The following HERPUD2 variants were observed in gnomAD, a reference collection of about 807,000 sequenced individuals.
HERPUD2 encodes the protein homocysteine-responsive endoplasmic reticulum-resident ubiquitin-like domain member 2 protein.
In HERPUD2, 13 loss-of-function variants were observed where a neutral mutation model predicts 49.9. The ratio of observed to expected loss-of-function variants is 0.26; its 90% confidence interval spans 0.17 to 0.41. The LOEUF (loss-of-function observed/expected upper bound fraction) is 0.41, where lower values mean the gene tolerates loss of function less well. HERPUD2 is among the 10% of genes least tolerant of loss of function. The pLI, the probability that HERPUD2 is intolerant of heterozygous loss-of-function variation, is 1.00. For missense variants in HERPUD2, 449 were observed against 492.2 expected (o/e 0.91, Z 0.83); for synonymous variants, 172 against 171.4 (o/e 1.00, Z -0.03).
chr7:35,661,516 T>G (rs1467723077), intron 5 of HERPUD2, among the ~76,000 whole-genome samples: 1 of 152,250 alleles, frequency 6.6e-6, no homozygotes, highest in African/African-American at 2.4e-5. Context: ...GCATGGAATG[T>G]TCTTCCATTT....
chr7:35,637,146 G>T (rs28417720), intron 6 of HERPUD2, among the ~76,000 whole-genome samples: 1 of 140,860 alleles, frequency 7.1e-6, no homozygotes, highest in African/African-American at 2.8e-5. Flanking sequence ...AAAAAAGAAA[G>T]AAAGAAAGAA....
intron 2 of HERPUD2, among the ~76,000 whole-genome samples, chr7:35,692,836 T>C (rs760626530): frequency 9.9e-5 from 15 of 152,228 alleles, no homozygotes; most frequent in Non-Finnish European, 1.9e-4. Context: ...ATTAATATCG[T>C]AATATAGATC....
intron 5 of HERPUD2, 112 bp from the exon 6 acceptor site, chr7:35,638,584 A>C: frequency 9.1e-4 from 948 of 1,044,074 alleles, no homozygotes; most frequent in Non-Finnish European, 1.2e-3. Context: ...TTTAAATCTC[A>C]CTGAAAAGAA....
chr7:35,657,589 G>T (rs529130365), intron 5 of HERPUD2, among the ~76,000 whole-genome samples: 3 of 123,394 alleles, frequency 2.4e-5, no homozygotes, highest in Non-Finnish European at 3.2e-5. Flanking sequence ...GGGCAACAGA[G>T]CAAGACCTTC....
chr7:35,661,885 G>T (rs1785431800), intron 5 of HERPUD2, among the ~76,000 whole-genome samples: 1 of 152,056 alleles, frequency 6.6e-6, no homozygotes, highest in Non-Finnish European at 1.5e-5. Flanking sequence ...TTGCCTGATT[G>T]CCCTGGCCAG....
intron 5 of HERPUD2, among the ~76,000 whole-genome samples, chr7:35,644,705 T>C (rs1785022901): frequency 6.6e-6 from 1 of 152,118 alleles, no homozygotes; most frequent in African/African-American, 2.4e-5. Context: ...AGGCAGAGGT[T>C]CCAGTGAGCC....
At chr7:35,653,165 A>T (rs1324468945) in intron 5 of HERPUD2, among the ~76,000 whole-genome samples, 1 of 152,188 alleles carries the variant, frequency 6.6e-6, no homozygotes, top group African/African-American at 2.4e-5. Context: ...AAATGATCCA[A>T]CCACATGCTG....
intron 2 of HERPUD2, among the ~76,000 whole-genome samples, chr7:35,675,173 A>G (rs1481795645): frequency 2.6e-5 from 4 of 152,192 alleles, no homozygotes; most frequent in Admixed American, 1.3e-4. Context: ...AAGGACATTC[A>G]GCTGATGTCC....
In HERPUD2 at chr7:35,674,404, T is replaced by TAG. The variant is rs3999932; in HGVS notation, c.148-1128_148-1127dup. ...CTATATATATATATATATATATATA[T>TAG]AGAGAGAGAGAGAGAGAGAGAGAGA... is the stretch of plus-strand genomic sequence containing the variant. On this transcript the variant is annotated intron_variant, in intron 2 of 8. Coordinates refer to ENST00000311350, the MANE Select transcript of HERPUD2 (RefSeq NM_022373.5). Among the ~76,000 whole-genome samples, 45 of 38,108 alleles carry TAG rather than the reference T, an allele frequency of 1.2e-3. 1 individual carries two copies. The highest frequency in any genetic ancestry group is 1.2e-3 in the Non-Finnish European group (28 of 22,784). The allele number at this position is 38,108 out of a possible 152,430, so 25.0% of individuals were successfully genotyped here. A position where few individuals can be genotyped will look rare whatever the true frequency, so the allele number is the denominator to read the frequency against.
chr7:35,638,314 C>G (rs779503497), intron 6 of HERPUD2, 36 bp downstream of exon 6: 2 of 1,543,506 alleles, frequency 1.3e-6, no homozygotes, highest in South Asian at 2.5e-5. Flanking sequence ...AAATAACACA[C>G]TGAGTAACTT....
At chr7:35,667,170 T>A (rs1377751175) in intron 5 of HERPUD2, among the ~76,000 whole-genome samples, 3 of 152,276 alleles carry the variant, frequency 2.0e-5, no homozygotes, top group African/African-American at 7.2e-5. Context: ...ACCTATTGAA[T>A]ACAAACCTGC....
At chr7:35,651,034 T>C (rs545336650) in intron 5 of HERPUD2, among the ~76,000 whole-genome samples, 2 of 152,256 alleles carry the variant, frequency 1.3e-5, no homozygotes, top group African/African-American at 4.8e-5. Flanking sequence ...AATCTGCCAC[T>C]ACTACCACAG....
chr7:35,669,136 A>C (rs1562680525), intron 4 of HERPUD2, among the ~76,000 whole-genome samples: 1 of 151,616 alleles, frequency 6.6e-6, no homozygotes, highest in Non-Finnish European at 1.5e-5. Context: ...CGACGACTAC[A>C]AAAAAAAACT....
chr7:35,694,581 C>A lies in HERPUD2; in HGVS notation c.-251G>T. ...GGCAGCTCTCCCCGCCAGGTCCGGG[C>A]TCCGCCGGGCTCCGGACTGTGGAGG... On this transcript the variant is annotated 5_prime_UTR_variant, in exon 2 of 9. Coordinates refer to ENST00000311350, the MANE Select transcript of HERPUD2 (RefSeq NM_022373.5). 1.9e-6 allele frequency: 1 copy of A among 528,618 alleles called. No individual in the cohort carries two copies. The highest frequency in any genetic ancestry group is 1.9e-5 in the African/African-American group (1 of 52,722). 32.7% of individuals were successfully genotyped at this position (528,618 alleles called of 1,614,324 possible). A position where few individuals can be genotyped will look rare whatever the true frequency, so the allele number is the denominator to read the frequency against.
chr7:35,691,424 A>G (rs1318033661), intron 2 of HERPUD2, among the ~76,000 whole-genome samples: 1 of 152,074 alleles, frequency 6.6e-6, no homozygotes, highest in Non-Finnish European at 1.5e-5. Context: ...AGCAGCACCA[A>G]TTTATTTTCC....
At position 35,633,609 on chromosome 7, in the gene HERPUD2, T is replaced by C; in HGVS notation, c.*81A>G. ...GTACATGATGATCAAAAGAAAGTTA[T>C]AAATTTTTTTGAAATTGCACTGTTA... On this transcript the variant is annotated 3_prime_UTR_variant, in exon 9 of 9. Transcript: ENST00000311350. The C allele has an allele frequency of 7.9e-7, 1 of 1,271,790 alleles. No homozygotes were observed. The highest frequency in any genetic ancestry group is 1.1e-6 in the Non-Finnish European group (1 of 915,518). The allele number at this position is 1,271,790 out of a possible 1,614,324, so 78.8% of individuals were successfully genotyped here. A position where few individuals can be genotyped will look rare whatever the true frequency, so the allele number is the denominator to read the frequency against.
At chr7:35,652,850 C>A (rs1785196090) in intron 5 of HERPUD2, among the ~76,000 whole-genome samples, 1 of 152,024 alleles carries the variant, frequency 6.6e-6, no homozygotes, top group African/African-American at 2.4e-5. Context: ...TACCACTAGG[C>A]CGGCCCTCCA....
chr7:35,671,877 T>C (rs35661871), intron 3 of HERPUD2, among the ~76,000 whole-genome samples: 25,667 of 151,820 alleles, frequency 0.17, 2,676 homozygotes, highest in Middle Eastern at 0.23. Context: ...TATATCTATA[T>C]TTCAAAGAGC....
chr7:35,664,490 A>G (rs1410845800), intron 5 of HERPUD2, among the ~76,000 whole-genome samples: 7 of 152,222 alleles, frequency 4.6e-5, no homozygotes, highest in Non-Finnish European at 7.3e-5. Flanking sequence ...AGTGCTTTCC[A>G]ACTTGGTTGC....
Sources: gnomAD v4.1 joint callset for allele counts (sites outside exome capture counted in the v4.1 genomes callset) on GRCh38, gnomAD v4.1.1 for gene constraint, MANE v1.5 for transcripts, NCBI Gene and HGNC (gene_info 2026-07-23, HGNC 2026-07-21) for gene names.